Variants in CYTH1 observed in about 807,000 individuals in gnomAD.
CYTH1 encodes cytohesin 1.
In CYTH1, 18 loss-of-function variants were observed where a neutral mutation model predicts 61.8. That is an observed-to-expected ratio of 0.29 (90% CI 0.20 to 0.43). The LOEUF (loss-of-function observed/expected upper bound fraction) is 0.43. Ranked by LOEUF, CYTH1 falls within the 20% of genes least tolerant of loss-of-function variation. The pLI, the probability that CYTH1 is intolerant of heterozygous loss-of-function variation, is 1.00. For missense variants in CYTH1, 336 were observed against 510.5 expected (o/e 0.66, Z 3.29); for synonymous variants, 174 against 184.3 (o/e 0.94, Z 0.45).
At chr17:78,712,946 C>A (rs918980467) in intron 1 of CYTH1, among the ~76,000 whole-genome samples, 5 of 151,912 alleles carry the variant, frequency 3.3e-5, no homozygotes, top group Non-Finnish European at 5.9e-5. Context: ...CACCTGCTCT[C>A]CAGTCCCATT....
intron 1 of CYTH1, among the ~76,000 whole-genome samples, chr17:78,730,169 C>A (rs958627205): frequency 1.3e-5 from 2 of 151,820 alleles, no homozygotes; most frequent in Non-Finnish European, 2.9e-5. Context: ...ACTCAGAATC[C>A]CAATTCTTCA....
chr17:78,745,289 G>C (rs1428111006), intron 1 of CYTH1, among the ~76,000 whole-genome samples: 1 of 152,100 alleles, frequency 6.6e-6, no homozygotes, highest in Admixed American at 6.6e-5. Context: ...GCCCTCGGAG[G>C]CATCTGGAAA....
chr17:78,727,540 A>G (rs2093272891), intron 1 of CYTH1: 1 of 367,426 alleles, frequency 2.7e-6, no homozygotes, highest in Non-Finnish European at 5.8e-6. Context: ...CCCTTACCAG[A>G]GTTGCCCCGA....
At chr17:78,680,546 A>G (rs898807389) in intron 12 of CYTH1, among the ~76,000 whole-genome samples, 3 of 152,216 alleles carry the variant, frequency 2.0e-5, no homozygotes, top group African/African-American at 4.8e-5. Context: ...TTGCAAACAC[A>G]CCGGCCTGAT....
chr17:78,719,232 CT>C (rs1199383354), intron 1 of CYTH1, among the ~76,000 whole-genome samples: 4 of 152,204 alleles, frequency 2.6e-5, no homozygotes, highest in Non-Finnish European at 5.9e-5. Context: ...CTTCGGCTAT[CT>C]GTGCCTCAAA....
chr17:78,765,738 C>G (rs912310150), intron 1 of CYTH1, among the ~76,000 whole-genome samples: 1 of 152,170 alleles, frequency 6.6e-6, no homozygotes, highest in African/African-American at 2.4e-5. Context: ...AGTGGTGTTT[C>G]CAGGGCTCCC....
intron 1 of CYTH1, among the ~76,000 whole-genome samples, chr17:78,761,011 T>C (rs1449931477): frequency 6.6e-6 from 1 of 152,092 alleles, no homozygotes; most frequent in East Asian, 1.9e-4. Flanking sequence ...AATTTTTGTA[T>C]TTTTTGTAGA....
chr17:78,702,504 A>G (rs967509737), intron 4 of CYTH1, 34 bp downstream of exon 4: 2 of 1,609,360 alleles, frequency 1.2e-6, no homozygotes, highest in Non-Finnish European at 1.7e-6. Context: ...AACCCCATCT[A>G]ATATGGACCA....
intron 1 of CYTH1, among the ~76,000 whole-genome samples, chr17:78,756,272 C>T (rs1359995995): frequency 4.6e-5 from 7 of 151,798 alleles, no homozygotes; most frequent in African/African-American, 1.7e-4. Flanking sequence ...GACAGGGTTT[C>T]ACCATGTTGG....
rs1344970404 is a variant in CYTH1 at position 78,675,080 on chromosome 17, CT to C, written c.*1010del. On this transcript the variant is annotated 3_prime_UTR_variant, in exon 14 of 14. Transcript: ENST00000446868. ...GGGATCGGGGAAGTCCTACTCCTTC[CT>C]CTAGAACGAGGACTGGAGTCTGGGG... 2 of 152,252 alleles carry C rather than the reference CT, an allele frequency of 1.3e-5. No individual in the cohort carries two copies. Among genetic ancestry groups the C allele is most frequent in the Non-Finnish European group, 2.9e-5 (2 of 68,068 alleles). 9.4% of individuals were successfully genotyped at this position (152,252 alleles called of 1,614,324 possible).
chr17:78,743,272 C>T (rs943025277), intron 1 of CYTH1, among the ~76,000 whole-genome samples: 1 of 152,036 alleles, frequency 6.6e-6, no homozygotes, highest in African/African-American at 2.4e-5. Context: ...GAGAATTCTC[C>T]CATCATCTCC....
At chr17:78,768,972 C>A (rs933831469) in intron 1 of CYTH1, among the ~76,000 whole-genome samples, 10 of 152,040 alleles carry the variant, frequency 6.6e-5, no homozygotes, top group Admixed American at 5.9e-4. Context: ...ATGGCAAAAC[C>A]CAGTCTCTAC....
chr17:78,718,926 G>T (rs2093205431), intron 1 of CYTH1, among the ~76,000 whole-genome samples: 2 of 152,202 alleles, frequency 1.3e-5, no homozygotes, highest in South Asian at 4.1e-4. Context: ...GACGCATTCA[G>T]CCTGCATTTA....
intron 1 of CYTH1, among the ~76,000 whole-genome samples, chr17:78,769,770 A>AG (rs2093463171): frequency 6.6e-6 from 1 of 152,178 alleles, no homozygotes; most frequent in South Asian, 2.1e-4. Flanking sequence ...TAATTCTGAC[A>AG]CTTTGGGAGG....
intron 1 of CYTH1, among the ~76,000 whole-genome samples, chr17:78,770,946 G>A (rs578129408): frequency 6.6e-6 from 1 of 151,994 alleles, no homozygotes; most frequent in African/African-American, 2.4e-5. Flanking sequence ...TGGCCAACAT[G>A]GTGAAACACC....
intron 6 of CYTH1, among the ~76,000 whole-genome samples, chr17:78,701,445 G>A (rs1015460496): frequency 2.0e-5 from 3 of 152,106 alleles, no homozygotes; most frequent in African/African-American, 7.2e-5. Flanking sequence ...AAGACTCAAG[G>A]AAGAGTGTTA....
rs1417160834 is a variant in CYTH1, at chr17:78,760,424, TAC to T, written c.22+21776_22+21777del. 9.2e-4 allele frequency among the ~76,000 whole-genome samples: 63 copies of T among 68,492 alleles called. 2 individuals carry two copies. The highest frequency in any genetic ancestry group is 2.8e-3 in the African/African-American group (47 of 16,842). The allele number at this position is 68,492 out of a possible 152,430, so 44.9% of individuals were successfully genotyped here. A position where few individuals can be genotyped will look rare whatever the true frequency, so the allele number is the denominator to read the frequency against. ...ATATATATGTGTATATATATATATA[TAC>T]ACATACATATATATATGTATATATA... On this transcript the variant is annotated intron_variant, in intron 1 of 13. Coordinates refer to ENST00000446868, the MANE Select transcript of CYTH1 (RefSeq NM_004762.6).
At chr17:78,694,704 G>A (rs1429287478) in intron 10 of CYTH1, among the ~76,000 whole-genome samples, 2 of 152,118 alleles carry the variant, frequency 1.3e-5, no homozygotes, top group Non-Finnish European at 2.9e-5. Context: ...TTCGGACATA[G>A]GAGATCATGG....
At chr17:78,711,298 AAATAAT>A (rs761209111) in intron 1 of CYTH1, among the ~76,000 whole-genome samples, 1,807 of 107,082 alleles carry the variant, frequency 0.017, 10 homozygotes, top group Middle Eastern at 0.066. Context: ...ATAAATAAAT[AAATAAT>A]ATATATATAT....
Sources: allele counts gnomAD v4.1 joint callset (sites outside exome capture counted in the v4.1 genomes callset), GRCh38; gene constraint gnomAD v4.1.1; transcripts MANE v1.5; gene names NCBI Gene and HGNC (gene_info 2026-07-23, HGNC 2026-07-21).